The following ZBTB45 variants were observed in gnomAD, a reference collection of about 807,000 sequenced individuals.
ZBTB45 encodes zinc finger and BTB domain-containing protein 45.
In ZBTB45, 22 loss-of-function variants were observed where a neutral mutation model predicts 28.4. That is an observed-to-expected ratio of 0.77 (90% CI 0.55 to 1.10). ZBTB45 has a LOEUF of 1.10. ZBTB45 is among the 50% of genes least tolerant of loss of function. The probability of loss-of-function intolerance (pLI) is 0.00; values close to 1 mark genes in which losing one functional copy is unlikely to be tolerated. For missense variants in ZBTB45, 656 were observed against 750.2 expected, an observed-to-expected ratio of 0.87 and a Z score of 1.47; for synonymous variants, 361 against 332.3, an observed-to-expected ratio of 1.09 and a Z score of -0.94.
intron 1 of ZBTB45, among the ~76,000 whole-genome samples, chr19:58,536,457 C>G (rs1163654918): frequency 2.2e-5 from 3 of 138,152 alleles, no homozygotes; most frequent in East Asian, 2.1e-4. Flanking sequence ...CAGAGGGAGA[C>G]GCCGTCTCAA....
intron 1 of ZBTB45, among the ~76,000 whole-genome samples, chr19:58,535,735 T>A (rs2053656632): frequency 6.6e-6 from 1 of 152,214 alleles, no homozygotes; most frequent in Non-Finnish European, 1.5e-5. Flanking sequence ...CCAAATCTCA[T>A]GTTATGGTCT....
intron 1 of ZBTB45, among the ~76,000 whole-genome samples, chr19:58,529,309 C>T (rs563196896): frequency 3.9e-4 from 59 of 152,220 alleles, no homozygotes; most frequent in African/African-American, 1.3e-3. Flanking sequence ...GGCATGATGG[C>T]GTGTACCCGT....
intron 1 of ZBTB45, among the ~76,000 whole-genome samples, chr19:58,531,348 A>G (rs2053634845): frequency 6.6e-6 from 1 of 152,174 alleles, no homozygotes; most frequent in African/African-American, 2.4e-5. Context: ...TACATACAGC[A>G]TTTATAGGGT....
chr19:58,524,928 G>C (rs948485721), intron 1 of ZBTB45, among the ~76,000 whole-genome samples: 1 of 152,006 alleles, frequency 6.6e-6, no homozygotes. Flanking sequence ...CCCAAGGCCT[G>C]AGATGGGAAA....
chr19:58,532,944 T>C (rs953033647), intron 1 of ZBTB45, among the ~76,000 whole-genome samples: 2 of 152,094 alleles, frequency 1.3e-5, no homozygotes, highest in African/African-American at 4.8e-5. Context: ...CAAGTGATTC[T>C]CCTGCCCCAG....
chr19:58,525,594 T>C (rs960687393), intron 1 of ZBTB45, among the ~76,000 whole-genome samples: 22 of 152,134 alleles, frequency 1.4e-4, no homozygotes, highest in Non-Finnish European at 3.1e-4. Flanking sequence ...CCCCAGGCCC[T>C]GGTGGAGCCA....
At chr19:58,527,303 A>C (rs902575847) in intron 1 of ZBTB45, among the ~76,000 whole-genome samples, 3 of 152,108 alleles carry the variant, frequency 2.0e-5, no homozygotes, top group South Asian at 4.1e-4. Flanking sequence ...CTGCCATATA[A>C]TTTCCCATGT....
At chr19:58,525,778 AG>A (rs1184099323) in intron 1 of ZBTB45, among the ~76,000 whole-genome samples, 3 of 152,234 alleles carry the variant, frequency 2.0e-5, no homozygotes, top group Non-Finnish European at 4.4e-5. Context: ...ACAAAGAAGA[AG>A]GTACTACCAG....
chr19:58,537,494 A>G (rs890918733), intron 1 of ZBTB45, among the ~76,000 whole-genome samples: 2 of 152,092 alleles, frequency 1.3e-5, no homozygotes, highest in Non-Finnish European at 2.9e-5. Context: ...GGGGCAGCCG[A>G]TGATAGGGTG....
rs73066236 is a variant in ZBTB45, at chr19:58,516,114, C to T, written c.1279+281G>A. On this transcript the variant is annotated intron_variant, in intron 2 of 2. Transcript: ENST00000594051. This position sits in a 1 kb window ranked among gnomAD's most constrained non-coding sequence, Gnocchi z 6.2. ...TACCCATCATGTGCATCCCAGGCTG[C>T]TCAAGTTTCCACCACCACCCTTCCA... Among the ~76,000 whole-genome samples, 9,131 of 152,244 alleles carry T rather than the reference C, an allele frequency of 0.06. 351 individuals are homozygous for T. The highest frequency in any genetic ancestry group is 0.11 in the Middle Eastern group (32 of 294).
chr19:58,530,161 A>G (rs1451745658), intron 1 of ZBTB45, among the ~76,000 whole-genome samples: 1 of 151,782 alleles, frequency 6.6e-6, no homozygotes, highest in African/African-American at 2.4e-5. Flanking sequence ...CCATGATGGC[A>G]CCACTACACT....
rs752311750 is a variant in ZBTB45 at position 58,517,635 on chromosome 19, C to T, written c.39G>A (p.Gln13=). Residue 13 remains glutamine, a synonymous_variant, in exon 2 of 3, where the codon CAG becomes CAA. Transcript: ENST00000594051. ...TCTCAAGCAGAGAGCGTGAGAAGTTCTGCAGGTGTATGTGATGCACAGCCT... is the reference window on the plus strand; with the variant it reads ...TCTCAAGCAGAGAGCGTGAGAAGTTTTGCAGGTGTATGTGATGCACAGCCT... ...AAEAVHHIHL[Q]NFSRSLLETL... The T allele has an allele frequency of 6.2e-7, 1 of 1,613,908 alleles. No individual in the cohort carries two copies. The highest frequency in any genetic ancestry group is 1.1e-5 in the South Asian group (1 of 91,084).
upstream of ZBTB45, among the ~76,000 whole-genome samples, chr19:58,523,749 C>A (rs1267691777): frequency 7.3e-6 from 1 of 137,074 alleles, no homozygotes; most frequent in Non-Finnish European, 1.6e-5. Context: ...TGGCTCACTG[C>A]AAGCTCCGCC....
chr19:58,527,666 G>C (rs2053614928), intron 1 of ZBTB45, among the ~76,000 whole-genome samples: 1 of 152,176 alleles, frequency 6.6e-6, no homozygotes, highest in South Asian at 2.1e-4. Flanking sequence ...AGGCAGAACA[G>C]CCACCCAGCC....
chr19:58,522,121 G>C (rs1439364726), upstream of ZBTB45, among the ~76,000 whole-genome samples: 1 of 151,220 alleles, frequency 6.6e-6, no homozygotes. Context: ...TCAGGAGTTT[G>C]AGACCAGCCT....
chr19:58,516,903 AG>A lies in ZBTB45; in HGVS notation c.770del (p.Pro257LeufsTer66), dbSNP rs1411946291. On this transcript the variant is annotated frameshift_variant, in exon 2 of 3. Transcript: ENST00000594051. LOFTEE classifies it high-confidence loss of function. The surrounding 1 kb of genome is among the most constrained non-coding windows in gnomAD (Gnocchi z 6.2). ...TGTAGTCAGCGAGGCCAGTGGGTGC[AG>A]GGGGCTCCTCGCACGCGCTGTCAGC... ...AAADSACEEPPAPTGLADYSG... is the reference protein window; with the variant it reads ...AAADSACEEPXAPTGLADYSG... The A allele has an allele frequency of 1.9e-6, 3 of 1,613,224 alleles. No homozygotes were observed. Among genetic ancestry groups the A allele is most frequent in the Non-Finnish European group, 2.5e-6 (3 of 1,180,024 alleles).
At chr19:58,534,355 C>A (rs898877461) in intron 1 of ZBTB45, among the ~76,000 whole-genome samples, 2 of 151,830 alleles carry the variant, frequency 1.3e-5, no homozygotes, top group East Asian at 3.9e-4. Flanking sequence ...TTTAAACTGG[C>A]TAAAATGATA....
chr19:58,536,499 C>G (rs1161240259), intron 1 of ZBTB45, among the ~76,000 whole-genome samples: 2 of 147,584 alleles, frequency 1.4e-5, no homozygotes, highest in African/African-American at 5.1e-5. Context: ...AAAAATTATC[C>G]GGGCGTGGTA....
In ZBTB45 at chr19:58,517,361, C is replaced by T; in HGVS notation, c.313G>A (p.Ala105Thr). ...GTCTGTATGCGAAGCACTGACGCGGCCGTGAGCACCTGCAGGGCTTCACCC... is the reference window on the plus strand; with the variant it reads ...GTCTGTATGCGAAGCACTGACGCGGTCGTGAGCACCTGCAGGGCTTCACCC... The part of the protein sequence containing the change: ...AQGEALQVLT[A>T]ASVLRIQTVI... The change falls in exon 2 of 3, where the codon GCC becomes ACC. Residue 105 changes from alanine to threonine, a missense_variant. Around this residue, in one of 3 missense-constraint regions of ZBTB45, gnomAD observed 105 missense variants for 152.4 expected, o/e 0.69. Coordinates refer to ENST00000594051, the MANE Select transcript of ZBTB45 (RefSeq NM_001316979.2). 1 of 1,612,474 alleles carries T rather than the reference C, an allele frequency of 6.2e-7. No homozygotes were observed. Among genetic ancestry groups the T allele is most frequent in the Non-Finnish European group, 8.5e-7 (1 of 1,179,906 alleles).
Sources: allele counts gnomAD v4.1 joint callset (sites outside exome capture counted in the v4.1 genomes callset), GRCh38; gene constraint gnomAD v4.1.1; regional missense constraint gnomAD v4.1.1; non-coding constraint Gnocchi (gnomAD v3.1); transcripts MANE v1.5; gene names NCBI Gene and HGNC (gene_info 2026-07-23, HGNC 2026-07-21).